Variants in SCN9A observed in about 807,000 individuals in gnomAD.
SCN9A encodes the protein sodium voltage-gated channel alpha subunit 9.
Under a neutral mutation model 187.0 loss-of-function variants are expected in SCN9A, and 131 were observed. That is an observed-to-expected ratio of 0.70 (90% CI 0.61 to 0.81). The LOEUF (loss-of-function observed/expected upper bound fraction) is 0.81. Among genes scored for constraint, SCN9A ranks in the 30% least tolerant of loss-of-function variants. SCN9A has a pLI of 0.00. For synonymous variants in SCN9A, 809 were observed against 808.6 expected (o/e 1.00, Z -0.01); for missense variants, 2,252 against 2,396.6 (o/e 0.94, Z 1.26).
intron 1 of SCN9A, among the ~76,000 whole-genome samples, chr2:166,360,219 CAAA>C (rs1251018524): frequency 4.2e-5 from 1 of 24,042 alleles, no homozygotes; most frequent in Non-Finnish European, 7.5e-5. Flanking sequence ...AACTCTGTCT[CAAA>C]AAAAAAAAAA....
chr2:166,238,076 G>A lies in SCN9A; in HGVS notation c.3801+18C>T, dbSNP rs969377496. The A allele has an allele frequency of 1.3e-6, 2 of 1,584,472 alleles. No homozygotes were observed. Among genetic ancestry groups the A allele is most frequent in the African/African-American group, 2.7e-5 (2 of 74,232 alleles). Reference sequence around the variant, plus strand: ...GTAAGAATAAATCCTCTTTTAAAATGTACTCAAAAGTACCTACATCAACAA... The same window carrying A: ...GTAAGAATAAATCCTCTTTTAAAATATACTCAAAAGTACCTACATCAACAA... On this transcript the variant is annotated intron_variant, in intron 20 of 26. Transcript: ENST00000642356.
chr2:166,290,561 T>C (rs6742597), intron 9 of SCN9A, among the ~76,000 whole-genome samples: 78,543 of 151,978 alleles, frequency 0.52, 20,742 homozygotes, highest in African/African-American at 0.62. Flanking sequence ...TATTTCTTCA[T>C]AGCCTCACCA....
chr2:166,199,538 C>T lies in SCN9A; in HGVS notation c.5101G>A (p.Asp1701Asn). The change falls in exon 27 of 27, where the codon GAT becomes AAT. Residue 1701 changes from aspartate to asparagine, a missense_variant. By Grantham distance (23) the Asp-to-Asn change is conservative. Coordinates refer to ENST00000642356, the MANE Select transcript of SCN9A (RefSeq NM_001365536.1). The stretch of plus-strand genomic sequence containing the variant: ...TTAAGAATAGGTGCTAGCAATCCAT[C>T]CCAGCCAGCAGAGGTTGTAATTTGG... ...LFQITTSAGW[D>N]GLLAPILNSK... is the part of the protein sequence containing the mutation. The T allele has an allele frequency of 6.2e-7, 1 of 1,614,148 alleles. No individual in the cohort carries two copies. The highest frequency in any genetic ancestry group is 1.3e-5 in the African/African-American group (1 of 75,030).
chr2:166,358,548 A>G (rs1700206817), intron 1 of SCN9A, among the ~76,000 whole-genome samples: 3 of 152,164 alleles, frequency 2.0e-5, no homozygotes, highest in Admixed American at 2.0e-4. Flanking sequence ...TCTTAACAAA[A>G]TAATAAAATT....
At chr2:166,212,897 GA>G (rs900474970) in intron 24 of SCN9A, among the ~76,000 whole-genome samples, 8 of 151,220 alleles carry the variant, frequency 5.3e-5, no homozygotes, top group Non-Finnish European at 7.4e-5. Context: ...ATGGGTCAAA[GA>G]AAAAAAATCA....
intron 1 of SCN9A, among the ~76,000 whole-genome samples, chr2:166,356,730 T>C (rs965492857): frequency 2.0e-5 from 3 of 152,194 alleles, no homozygotes; most frequent in African/African-American, 2.4e-5. Flanking sequence ...ATATAAACAT[T>C]GTTTCATACC....
At chr2:166,332,011 A>T (rs1188913153) in intron 1 of SCN9A, among the ~76,000 whole-genome samples, 1 of 152,160 alleles carries the variant, frequency 6.6e-6, no homozygotes, top group African/African-American at 2.4e-5. Flanking sequence ...CTGCCGTGGA[A>T]AGCTAAAGTG....
At position 166,198,740 on chromosome 2, in the gene SCN9A, C is replaced by CT; in HGVS notation, c.5898dup (p.Glu1967ArgfsTer4). 8 of 1,613,300 alleles carry CT rather than the reference C, an allele frequency of 5.0e-6. No homozygotes were observed. Among genetic ancestry groups the CT allele is most frequent in the Non-Finnish European group, 5.9e-6 (7 of 1,179,568 alleles). ...TCTGTTCTGTCTTGTTCATATTTCT[C>CT]TTTGTCTGGCTTTGTTACACTATCA... On this transcript the variant is annotated frameshift_variant, in exon 27 of 27. Coordinates refer to ENST00000642356, the MANE Select transcript of SCN9A (RefSeq NM_001365536.1). LOFTEE classifies it high-confidence loss of function.
intron 1 of SCN9A, among the ~76,000 whole-genome samples, chr2:166,375,358 C>A (rs1700663049): frequency 6.6e-6 from 1 of 152,180 alleles, no homozygotes; most frequent in Non-Finnish European, 1.5e-5. Flanking sequence ...TCTAACAACT[C>A]TGCTAGCGTA....
chr2:166,225,723 C>T lies in SCN9A; in HGVS notation c.4398+844G>A, dbSNP rs141875039. 1.5e-3 allele frequency among the ~76,000 whole-genome samples: 233 copies of T among 152,182 alleles called. 3 individuals are homozygous for T. Among genetic ancestry groups the T allele is most frequent in the Non-Finnish European group, 3.2e-4 (22 of 67,970 alleles). On this transcript the variant is annotated intron_variant, in intron 24 of 26. Transcript: ENST00000642356. ...TGAAGTCATACTGGAGTGGAGTGGG[C>T]TCTTAATCCAGTGTGACTGGCATCC...
At chr2:166,242,423 C>T in intron 19 of SCN9A, 79 bp downstream of exon 19, 2 of 1,254,926 alleles carry the variant, frequency 1.6e-6, no homozygotes, top group Non-Finnish European at 2.2e-6. Flanking sequence ...AACAACTTGC[C>T]ATGATATTTT....
intron 1 of SCN9A, among the ~76,000 whole-genome samples, chr2:166,319,849 G>A (rs1228796288): frequency 6.6e-6 from 1 of 152,102 alleles, no homozygotes; most frequent in East Asian, 1.9e-4. Flanking sequence ...AAGTTGGAGA[G>A]CTGACCCCTT....
At chr2:166,274,083 G>A (rs1431148830) in intron 16 of SCN9A, among the ~76,000 whole-genome samples, 1 of 152,082 alleles carries the variant, frequency 6.6e-6, no homozygotes, top group Non-Finnish European at 1.5e-5. Context: ...GTTTTAATAG[G>A]AATATTGGTG....
intron 1 of SCN9A, among the ~76,000 whole-genome samples, chr2:166,336,798 G>A (rs1261277477): frequency 6.6e-6 from 1 of 152,070 alleles, no homozygotes; most frequent in Non-Finnish European, 1.5e-5. Context: ...TAAGCTCTAA[G>A]CTTTGGTACT....
At chr2:166,285,885 G>A (rs973214192) in intron 11 of SCN9A, among the ~76,000 whole-genome samples, 1 of 152,076 alleles carries the variant, frequency 6.6e-6, no homozygotes, top group African/African-American at 2.4e-5. Context: ...GGTTGGGGGT[G>A]GAGGATATCA....
chr2:166,245,021 G>T (rs1198921406), intron 18 of SCN9A, among the ~76,000 whole-genome samples: 1 of 151,932 alleles, frequency 6.6e-6, no homozygotes, highest in African/African-American at 2.4e-5. Flanking sequence ...TCTGTTTTTT[G>T]ATTTGCAAAT....
chr2:166,359,543 A>C (rs1319851890), intron 1 of SCN9A, among the ~76,000 whole-genome samples: 1 of 152,158 alleles, frequency 6.6e-6, no homozygotes. Context: ...ATCCTTCATA[A>C]GTAACATTAT....
chr2:166,230,532 C>T lies in SCN9A; in HGVS notation c.3925-1560G>A, dbSNP rs537361653. On this transcript the variant is annotated intron_variant, in intron 21 of 26. Coordinates refer to ENST00000642356, the MANE Select transcript of SCN9A (RefSeq NM_001365536.1). ...CCAAGCACACCTTGCACAATCTATT[C>T]TGTGCCTCCCTACCATGTGGTATCA... 3.3e-5 allele frequency among the ~76,000 whole-genome samples: 5 copies of T among 152,294 alleles called. No homozygotes were observed. In the South Asian group the frequency reaches 6.2e-4, roughly 19 times the overall value.
In SCN9A at chr2:166,198,930, G is replaced by T; in HGVS notation, c.5709C>A (p.Tyr1903Ter). 2 of 1,613,904 alleles carry T rather than the reference G, an allele frequency of 1.2e-6. No homozygotes were observed. The highest frequency in any genetic ancestry group is 1.7e-6 in the Non-Finnish European group (2 of 1,179,878). ...TATTTTTGACATTTTGCCTTAAGCG[G>T]TAACGTCTATAAGCACGCTGAATGA... is the stretch of plus-strand genomic sequence containing the variant. ...ATVIQRAYRR[Y>*]RLRQNVKNIS... Residue 1903 changes from tyrosine to a stop codon, truncating the protein, a stop_gained, in exon 27 of 27, where the codon TAC (tyrosine) becomes TAA (stop). Transcript: ENST00000642356. LOFTEE classifies it high-confidence loss of function.
Sources: allele counts gnomAD v4.1 joint callset (sites outside exome capture counted in the v4.1 genomes callset), GRCh38; gene constraint gnomAD v4.1.1; transcripts MANE v1.5; gene names NCBI Gene and HGNC (gene_info 2026-07-23, HGNC 2026-07-21).